NINJ2: variants seen among roughly 807,000 people sequenced by gnomAD.
The protein encoded by NINJ2 is ninjurin-2.
NINJ2 carries 12 observed loss-of-function variants against 11.7 expected under a neutral mutation model. The observed-to-expected ratio is 1.02, with a 90% confidence interval of 0.66 to 1.66. The LOEUF (loss-of-function observed/expected upper bound fraction) is 1.66, where lower values mean the gene tolerates loss of function less well. Ranked by LOEUF, NINJ2 falls within the 40% of genes most tolerant of loss-of-function variation. NINJ2 has a pLI of 0.00. For missense variants in NINJ2, 187 were observed against 181.8 expected, an observed-to-expected ratio of 1.03 and a Z score of -0.16; for synonymous variants, 93 against 76.8, an observed-to-expected ratio of 1.21 and a Z score of -1.10.
intron 1 of NINJ2, chr12:643,189 C>G (rs1287148324): frequency 6.4e-6 from 1 of 155,242 alleles, no homozygotes; most frequent in East Asian, 1.9e-4. Context: ...CAGGGGCCAC[C>G]GAGGGCTCCA....
chr12:651,672 A>T (rs1056576718), intron 1 of NINJ2, among the ~76,000 whole-genome samples: 30 of 152,248 alleles, frequency 2.0e-4, no homozygotes, highest in African/African-American at 7.2e-4. Flanking sequence ...AACAACTATG[A>T]TGAATATGCT....
At chr12:650,437 C>A (rs917351827) in intron 1 of NINJ2, among the ~76,000 whole-genome samples, 2 of 152,210 alleles carry the variant, frequency 1.3e-5, no homozygotes, top group Non-Finnish European at 2.9e-5. Flanking sequence ...CGGTGGCTCA[C>A]GCCTGTAATC....
intron 1 of NINJ2, among the ~76,000 whole-genome samples, chr12:656,486 C>A (rs1286369630): frequency 9.2e-5 from 14 of 151,878 alleles, no homozygotes; most frequent in Admixed American, 8.6e-4. Context: ...CATGGTGGCT[C>A]ACACCTGTAA....
At position 585,530 on chromosome 12, in the gene NINJ2, CGGTTGG is replaced by C. The variant is rs1947623620; in HGVS notation, c.34-19358_34-19353del. ...AACGGTTGGAGGGAAGGGAAGGGAA[CGGTTGG>C]AGGGAAGGGAAGGGAACGGTTGGAG... On this transcript the variant is annotated intron_variant, in intron 1 of 3. Transcript: ENST00000305108. This position sits in a 1 kb window ranked among gnomAD's most constrained non-coding sequence, Gnocchi z 4.1. 4.7e-5 allele frequency among the ~76,000 whole-genome samples: 4 copies of C among 85,410 alleles called. No individual in the cohort carries two copies. The highest frequency in any genetic ancestry group is 1.5e-4 in the African/African-American group (3 of 19,422). The allele number at this position is 85,410 out of a possible 152,430, so 56.0% of individuals were successfully genotyped here.
chr12:574,997 G>A (rs955191221), intron 1 of NINJ2, among the ~76,000 whole-genome samples: 7 of 152,218 alleles, frequency 4.6e-5, no homozygotes, highest in African/African-American at 1.7e-4. Flanking sequence ...CTATCCCACA[G>A]AGGATTATAC....
At chr12:625,220 G>T (rs1948199806) in intron 1 of NINJ2, among the ~76,000 whole-genome samples, 1 of 152,102 alleles carries the variant, frequency 6.6e-6, no homozygotes, top group Non-Finnish European at 1.5e-5. Flanking sequence ...AAGAGTTGGA[G>T]AGACAAAGAT....
Position 585,853 on chromosome 12 carries a change from G to A in NINJ2, c.34-19675C>T, listed in dbSNP as rs951983110. 2.6e-5 allele frequency: 4 copies of A among 152,232 alleles called. No individual in the cohort carries two copies. Among genetic ancestry groups the A allele is most frequent in the Non-Finnish European group, 5.9e-5 (4 of 68,060 alleles). The allele number at this position is 152,232 out of a possible 1,614,324, so 9.4% of individuals were successfully genotyped here. On this transcript the variant is annotated intron_variant, in intron 1 of 3. Transcript: ENST00000305108. The surrounding 1 kb of genome is among the most constrained non-coding windows in gnomAD (Gnocchi z 4.1). Reference sequence around the variant, plus strand: ...AGAGATACAAAGGGTGGAAGAGCAGGAGCGCCTCCATCCAGGGGCGTGGAG... The same window carrying A: ...AGAGATACAAAGGGTGGAAGAGCAGAAGCGCCTCCATCCAGGGGCGTGGAG...
chr12:649,000 A>ATCTATCTG (rs1227713290), intron 1 of NINJ2, among the ~76,000 whole-genome samples: 1 of 48,916 alleles, frequency 2.0e-5, no homozygotes, highest in Non-Finnish European at 4.6e-5. Flanking sequence ...CTATCTGTCT[A>ATCTATCTG]TCTATCTATC....
chr12:569,325 T>C (rs1947345881), intron 1 of NINJ2, among the ~76,000 whole-genome samples: 1 of 152,178 alleles, frequency 6.6e-6, no homozygotes, highest in Admixed American at 6.5e-5. Flanking sequence ...TCTTAGCCCA[T>C]TTGGTGAAGG....
intron 1 of NINJ2, among the ~76,000 whole-genome samples, chr12:657,444 C>T (rs140258598): frequency 0.012 from 1,844 of 152,098 alleles, 12 homozygotes; most frequent in Non-Finnish European, 0.02. Flanking sequence ...AAAAATTAGC[C>T]GGGGCATGGT....
chr12:610,573 C>G (rs931162130), intron 1 of NINJ2: 1 of 985,228 alleles, frequency 1.0e-6, no homozygotes, highest in Non-Finnish European at 1.2e-6. Context: ...GGTGGGTTAG[C>G]TGCTCTGAGC....
chr12:625,441 T>A (rs573433749), intron 1 of NINJ2, among the ~76,000 whole-genome samples: 4 of 152,230 alleles, frequency 2.6e-5, no homozygotes, highest in African/African-American at 9.6e-5. Context: ...CACTGAAGGT[T>A]TTTGAGTAGA....
At chr12:630,763 G>T (rs1403144446) in intron 1 of NINJ2, 1 of 152,412 alleles carries the variant, frequency 6.6e-6, no homozygotes, top group African/African-American at 2.4e-5. Flanking sequence ...CAGAGGCTGG[G>T]TGCGTGCGCC....
chr12:646,297 C>G (rs1035993732), intron 1 of NINJ2, among the ~76,000 whole-genome samples: 2 of 152,184 alleles, frequency 1.3e-5, no homozygotes, highest in African/African-American at 4.8e-5. Context: ...ACAGGAGCGT[C>G]CACCTCTTGG....
chr12:660,982 CATT>C (rs1486295622), intron 1 of NINJ2, among the ~76,000 whole-genome samples: 1 of 152,028 alleles, frequency 6.6e-6, no homozygotes, highest in East Asian at 1.9e-4. Flanking sequence ...TAAAAATAAA[CATT>C]ATAATAAAAA....
At chr12:607,251 G>T (rs1291991613) in intron 1 of NINJ2, among the ~76,000 whole-genome samples, 1 of 152,188 alleles carries the variant, frequency 6.6e-6, no homozygotes, top group Non-Finnish European at 1.5e-5. Flanking sequence ...ATCAGAGTCT[G>T]AGAAGCACTG....
At chr12:604,638 A>G (rs73596254) in intron 1 of NINJ2, among the ~76,000 whole-genome samples, 3,376 of 152,198 alleles carry the variant, frequency 0.022, 73 homozygotes, top group African/African-American at 0.058. Context: ...ACTCAGTCCC[A>G]ACAACAACAA....
chr12:604,551 T>C (rs1389605573), intron 1 of NINJ2, among the ~76,000 whole-genome samples: 2 of 152,074 alleles, frequency 1.3e-5, no homozygotes, highest in Non-Finnish European at 2.9e-5. Flanking sequence ...GGCACGAGAA[T>C]CGCTTGAACC....
rs968609283 is a variant in NINJ2 at position 580,570 on chromosome 12, G to A, written c.34-14392C>T. Among the ~76,000 whole-genome samples the A allele has an allele frequency of 7.3e-6, 1 of 136,626 alleles. No homozygotes were observed. Among genetic ancestry groups the A allele is most frequent in the Non-Finnish European group, 1.6e-5 (1 of 64,226 alleles). The allele number at this position is 136,626 out of a possible 152,430, so 89.6% of individuals were successfully genotyped here. ...CCACTGCACTCCAGCCTGCATGACA[G>A]AGAGAGACCCTGTCTCAAAAAAAAA... On this transcript the variant is annotated intron_variant, in intron 1 of 3. Coordinates refer to ENST00000305108, the MANE Select transcript of NINJ2 (RefSeq NM_016533.6). The surrounding 1 kb of genome is among the most constrained non-coding windows in gnomAD (Gnocchi z 4.7).
Sources: allele counts gnomAD v4.1 joint callset (sites outside exome capture counted in the v4.1 genomes callset), GRCh38; gene constraint gnomAD v4.1.1; non-coding constraint Gnocchi (gnomAD v3.1); transcripts MANE v1.5; gene names NCBI Gene and HGNC (gene_info 2026-07-23, HGNC 2026-07-21).